GGA3: variants seen among roughly 807,000 people sequenced by gnomAD.
The protein encoded by GGA3 is golgi associated, gamma adaptin ear containing, ARF binding protein 3.
GGA3 carries 57 observed loss-of-function variants against 77.5 expected under a neutral mutation model. That is an observed-to-expected ratio of 0.74 (90% CI 0.59 to 0.92). GGA3 has a LOEUF of 0.92. GGA3 is among the 40% of genes least tolerant of loss of function. The probability of loss-of-function intolerance (pLI) is 0.00; values close to 1 mark genes in which losing one functional copy is unlikely to be tolerated. For missense variants in GGA3, 970 were observed against 914.9 expected, an observed-to-expected ratio of 1.06 and a Z score of -0.78; for synonymous variants, 416 against 383.7, an observed-to-expected ratio of 1.08 and a Z score of -0.98.
chr17:75,247,786 T>C (rs149420461), intron 1 of GGA3, among the ~76,000 whole-genome samples: 1 of 152,106 alleles, frequency 6.6e-6, no homozygotes. Flanking sequence ...ACACAAGTAC[T>C]AGAGTTCTCA....
intron 2 of GGA3, 49 bp downstream of exon 2, chr17:75,246,663 C>G (rs901021171): frequency 1.3e-6 from 2 of 1,594,276 alleles, no homozygotes; most frequent in African/African-American, 2.7e-5. Flanking sequence ...TGGTTGTTCC[C>G]CTTCCCAGTC....
At chr17:75,255,695 C>T (rs1371415454) in intron 1 of GGA3, among the ~76,000 whole-genome samples, 3 of 152,232 alleles carry the variant, frequency 2.0e-5, no homozygotes, top group Non-Finnish European at 2.9e-5. Flanking sequence ...ACAAGCCTTA[C>T]AAGTTAGTTC....
chr17:75,241,342 T>C (rs200305357), intron 10 of GGA3, 58 bp downstream of exon 10: 5 of 1,118,704 alleles, frequency 4.5e-6, no homozygotes, highest in Non-Finnish European at 6.8e-6. Flanking sequence ...CGCAGCTTCA[T>C]GATAGGGGCC....
rs538843915 is a variant in GGA3, at chr17:75,254,797, A to C, written c.40+6751T>G. Among the ~76,000 whole-genome samples the C allele has an allele frequency of 1.2e-4, 19 of 152,284 alleles. No individual in the cohort carries two copies. In the East Asian group the frequency reaches 2.9e-3, roughly 23 times the overall value. On this transcript the variant is annotated intron_variant, in intron 1 of 16. Transcript: ENST00000537686. ...GCACACAAGAACTTCCAAACGCCTA[A>C]ACCGCAGTGGCCAGGCATTCCTCCA... is the stretch of plus-strand genomic sequence containing the variant.
At chr17:75,241,271 T>C (rs1362725279) in intron 10 of GGA3, 129 bp downstream of exon 10, 3 of 780,924 alleles carry the variant, frequency 3.8e-6, no homozygotes, top group Non-Finnish European at 6.5e-6. Context: ...GAGGATTGCT[T>C]GGAATGGCAA....
At chr17:75,249,105 G>GGGTTT (rs2076871633) in intron 1 of GGA3, 5 of 568,812 alleles carry the variant, frequency 8.8e-6, no homozygotes, top group African/African-American at 8.2e-5. Context: ...GAGTGCAGTG[G>GGGTTT]CGCGATCTAG....
In GGA3 at chr17:75,242,347, C is replaced by T; in HGVS notation, c.736G>A (p.Glu246Lys). The change falls in exon 8 of 17, where the codon GAG becomes AAG. Residue 246 changes from glutamate (E) to lysine (K), a missense_variant. Glu to Lys is a moderately conservative substitution (Grantham distance 56, BLOSUM62 1). Coordinates refer to ENST00000537686, the MANE Select transcript of GGA3 (RefSeq NM_138619.4). ...SQEDSSDGDR[E>K]LMKELFDQCE... Reference sequence around the variant, plus strand: ...GTCGGCGGTCCCACCTTCATCAGCTCTCTGTCCCCGTCCGAAGAGTCCTCC... The same window carrying T: ...GTCGGCGGTCCCACCTTCATCAGCTTTCTGTCCCCGTCCGAAGAGTCCTCC... The T allele has an allele frequency of 1.2e-6, 2 of 1,614,216 alleles. No homozygotes were observed. The highest frequency in any genetic ancestry group is 1.7e-6 in the Non-Finnish European group (2 of 1,180,034).
chr17:75,260,867 G>A (rs1238471878), intron 1 of GGA3, among the ~76,000 whole-genome samples: 1 of 151,610 alleles, frequency 6.6e-6, no homozygotes, highest in African/African-American at 2.4e-5. Flanking sequence ...GCCTTACTCA[G>A]AATAGGCTAT....
At position 75,240,793 on chromosome 17, in the gene GGA3, C is replaced by T. The variant is rs1308427962; in HGVS notation, c.1192+19G>A. ...GAGCCCTGTCAGGGGATGCCCCTGA[C>T]GCCCCCTGTGGGCCGCACCCAAGCA... On this transcript the variant is annotated intron_variant, in intron 11 of 16. Coordinates refer to ENST00000537686, the MANE Select transcript of GGA3 (RefSeq NM_138619.4). The T allele has an allele frequency of 6.9e-6, 11 of 1,594,738 alleles. No homozygotes were observed. Among genetic ancestry groups the T allele is most frequent in the African/African-American group, 4.0e-5 (3 of 74,526 alleles).
chr17:75,255,049 C>T (rs1598440914), intron 1 of GGA3, among the ~76,000 whole-genome samples: 2 of 152,306 alleles, frequency 1.3e-5, no homozygotes, highest in East Asian at 1.9e-4. Context: ...TGAAGACTGA[C>T]GCTGCCCGAT....
intron 10 of GGA3, 108 bp from the exon 11 acceptor site, chr17:75,241,165 A>C: frequency 2.3e-6 from 3 of 1,304,280 alleles, no homozygotes; most frequent in Non-Finnish European, 3.3e-6. Context: ...CCTCTGGCCT[A>C]ATCCAACGGC....
chr17:75,239,700 A>G lies in GGA3; in HGVS notation c.1583+89T>C, dbSNP rs528181395. On this transcript the variant is annotated intron_variant, in intron 13 of 16. Transcript: ENST00000537686. ...CTTCCAGCCTGACTGATGGGACTACAAGGCACCCCCACCCCTTCAAAGTTA... is the reference window on the plus strand; with the variant it reads ...CTTCCAGCCTGACTGATGGGACTACGAGGCACCCCCACCCCTTCAAAGTTA... 2.1e-5 allele frequency: 32 copies of G among 1,516,598 alleles called. No individual in the cohort carries two copies. In the South Asian group the frequency reaches 2.8e-4, roughly 13 times the overall value. The allele number at this position is 1,516,598 out of a possible 1,614,324, so 93.9% of individuals were successfully genotyped here.
In GGA3 at chr17:75,246,584, CCTGGGGG is replaced by C; in HGVS notation, c.126-7_126-1del. The C allele has an allele frequency of 1.2e-6, 2 of 1,613,634 alleles. No individual in the cohort carries two copies. The highest frequency in any genetic ancestry group is 1.7e-6 in the Non-Finnish European group (2 of 1,179,570). ...CCAGCAGTCGGACGGCGATCTGTGG[CCTGGGGG>C]ACAAGCAGAACACACTCCAGTGCAC... On this transcript the variant is annotated splice_acceptor_variant and splice_polypyrimidine_tract_variant and intron_variant, in intron 2 of 16. Transcript: ENST00000537686. LOFTEE classifies it high-confidence loss of function.
chr17:75,238,475 G>T, intron 16 of GGA3, 86 bp from the exon 17 acceptor site: 2 of 1,226,670 alleles, frequency 1.6e-6, no homozygotes, highest in East Asian at 2.4e-5. Flanking sequence ...CTGTGCTAGA[G>T]GAATGGTCCC....
intron 1 of GGA3, among the ~76,000 whole-genome samples, chr17:75,252,543 A>G (rs998992416): frequency 6.6e-6 from 1 of 150,718 alleles, no homozygotes; most frequent in Non-Finnish European, 1.5e-5. Context: ...TTCCTTCCTT[A>G]TCCCTACCCT....
chr17:75,262,003 CG>C (rs200739528), upstream of GGA3: 59 of 1,450,554 alleles, frequency 4.1e-5, no homozygotes, highest in Admixed American at 6.4e-5. Flanking sequence ...TGGCGAGCAG[CG>C]GCGGGGGGGC....
chr17:75,241,818 A>T, intron 8 of GGA3, 122 bp from the exon 9 acceptor site: 1 of 831,880 alleles, frequency 1.2e-6, no homozygotes, highest in Non-Finnish European at 2.0e-6. Flanking sequence ...ATTACCAGCA[A>T]AGCTGGGATC....
In GGA3 at chr17:75,261,574, T is replaced by A. The variant is rs1426362232; in HGVS notation, c.14A>T (p.Glu5Val). 4 of 1,552,116 alleles carry A rather than the reference T, an allele frequency of 2.6e-6. No homozygotes were observed. Among genetic ancestry groups the A allele is most frequent in the Non-Finnish European group, 3.5e-6 (4 of 1,151,702 alleles). The change falls in exon 1 of 17, where the codon GAA (glutamate) becomes GTA (valine). Residue 5 changes from glutamate (E) to valine (V), a missense_variant. By Grantham distance (121) the Glu-to-Val change is moderately radical. Coordinates refer to ENST00000537686, the MANE Select transcript of GGA3 (RefSeq NM_138619.4). ...GAGCCAGGACTCCAGGCTTTCCCCT[T>A]CCGCCTCCGCCATATTGCAGCCGCC... MAEA[E>V]GESLESWLNK...
Position 75,239,794 on chromosome 17 carries a change from G to C in GGA3, c.1578C>G (p.Ala526=), listed in dbSNP as rs1277244193. Residue 526 remains alanine, a synonymous_variant, in exon 13 of 17, where the codon GCC becomes GCG. Coordinates refer to ENST00000537686, the MANE Select transcript of GGA3 (RefSeq NM_138619.4). ...LDALDQLLEE[A]KVTSGLVKPT... ...CATCTCCTCCCACTCATTACACTTT[G>C]GCCTCTTCTAGAAGCTGATCGAGGG... 6.2e-7 allele frequency: 1 copy of C among 1,613,278 alleles called. No homozygotes were observed. The highest frequency in any genetic ancestry group is 1.3e-5 in the African/African-American group (1 of 74,884).
Sources: gnomAD v4.1 joint callset for allele counts (sites outside exome capture counted in the v4.1 genomes callset) on GRCh38, gnomAD v4.1.1 for gene constraint, MANE v1.5 for transcripts, NCBI Gene and HGNC (gene_info 2026-07-23, HGNC 2026-07-21) for gene names.